The following MAOA variants were observed in gnomAD, a reference collection of about 807,000 sequenced individuals.
The protein encoded by MAOA is amine oxidase [flavin-containing] A.
In MAOA, 6 loss-of-function variants were observed where a neutral mutation model predicts 42.0. The ratio of observed to expected loss-of-function variants is 0.14; its 90% CI spans 0.08 to 0.28. MAOA has a LOEUF of 0.28. Ranked by LOEUF, MAOA falls within the 10% of genes least tolerant of loss-of-function variation. The pLI is 1.00. For missense variants in MAOA, 262 were observed against 422.3 expected, an observed-to-expected ratio of 0.62 and a Z score of 3.33; for synonymous variants, 140 against 154.0, an observed-to-expected ratio of 0.91 and a Z score of 0.67.
intron 1 of MAOA, among the ~76,000 whole-genome samples, chrX:43,659,210 A>G (rs137969280): frequency 0.013 from 1,495 of 111,939 alleles, 21 homozygotes; most frequent in African/African-American, 0.046. Flanking sequence ...TTGTCATTAT[A>G]AAACATAAAA....
At chrX:43,665,856 A>G (rs966941521) in intron 1 of MAOA, among the ~76,000 whole-genome samples, 5 of 111,394 alleles carry the variant, frequency 4.5e-5, no homozygotes, top group African/African-American at 1.3e-4. Flanking sequence ...ATAGATAGAT[A>G]GGAATGGTTT....
chrX:43,662,181 CTTAG>C (rs1386131110), intron 1 of MAOA, among the ~76,000 whole-genome samples: 1 of 111,338 alleles, frequency 9.0e-6, no homozygotes, highest in African/African-American at 3.3e-5. Flanking sequence ...TTTTTGGTGT[CTTAG>C]TTATTTAAAT....
chrX:43,656,259 C>G, upstream of MAOA: 5 of 907,899 alleles, frequency 5.5e-6, no homozygotes, highest in Non-Finnish European at 7.9e-6. Flanking sequence ...CCGGGCTCCC[C>G]GGGGGAGTTG....
rs1337861656 is a variant in MAOA, at chrX:43,692,027, ACACACACACACG to A, written c.169-1260_169-1249del. Among the ~76,000 whole-genome samples the A allele has an allele frequency of 6.3e-4, 42 of 66,880 alleles. 1 individual carries two copies. The highest frequency in any genetic ancestry group is 2.2e-3 in the African/African-American group (38 of 16,900). The allele number at this position is 66,880 out of a possible 115,157, so 58.1% of individuals were successfully genotyped here. ...CACACACACACACACACACACACAC[ACACACACACACG>A]CACGCACACATCTTTAAAGCATTAA... On this transcript the variant is annotated intron_variant, in intron 2 of 14. Transcript: ENST00000338702.
intron 10 of MAOA, among the ~76,000 whole-genome samples, chrX:43,739,185 A>G (rs1569202090): frequency 8.9e-6 from 1 of 112,297 alleles, no homozygotes; most frequent in Non-Finnish European, 1.9e-5. Context: ...AGACAGACAG[A>G]CAGTAGTCTT....
chrX:43,669,279 G>A lies in MAOA; in HGVS notation c.73+12865G>A, dbSNP rs993321843. Among the ~76,000 whole-genome samples, 7 of 107,344 alleles carry A rather than the reference G, an allele frequency of 6.5e-5. No homozygotes were observed. In the East Asian group the frequency reaches 1.5e-3, roughly 23 times the overall value. 93.2% of individuals were successfully genotyped at this position (107,344 alleles called of 115,157 possible). ...CAAAAAAAAAAAAAAATACCCTGGC[G>A]TGGTGGTGTGCACCTGTAATCCCAG... On this transcript the variant is annotated intron_variant, in intron 1 of 14. Coordinates refer to ENST00000338702, the MANE Select transcript of MAOA (RefSeq NM_000240.4).
chrX:43,712,825 CT>C (rs2033709899), intron 5 of MAOA, 29 bp downstream of exon 5: 4 of 1,016,292 alleles, frequency 3.9e-6, no homozygotes, highest in Non-Finnish European at 4.2e-6. Context: ...TCAAAATTTA[CT>C]TTTTATCTTC....
At chrX:43,660,851 A>G (rs868390038) in intron 1 of MAOA, among the ~76,000 whole-genome samples, 1 of 112,059 alleles carries the variant, frequency 8.9e-6, no homozygotes, top group Non-Finnish European at 1.9e-5. Context: ...CTAGCGGTGG[A>G]AGATTTTTAA....
chrX:43,729,085 G>T (rs935006362), intron 6 of MAOA, among the ~76,000 whole-genome samples: 1 of 112,385 alleles, frequency 8.9e-6, no homozygotes, highest in African/African-American at 3.2e-5. Flanking sequence ...TGAGTGCACA[G>T]TACAAGGTAT....
At chrX:43,667,356 G>A (rs1265464079) in intron 1 of MAOA, among the ~76,000 whole-genome samples, 2 of 111,002 alleles carry the variant, frequency 1.8e-5, no homozygotes, top group Non-Finnish European at 3.8e-5. Flanking sequence ...GCTTCATGAG[G>A]ACTTAGTTAT....
intron 11 of MAOA, among the ~76,000 whole-genome samples, chrX:43,741,582 T>C (rs569051144): frequency 2.9e-4 from 32 of 111,691 alleles, no homozygotes; most frequent in Middle Eastern, 9.3e-3. Flanking sequence ...AAGTCTGTTA[T>C]TAGGGACTCC....
At chrX:43,700,179 G>A (rs2033611578) in intron 3 of MAOA, among the ~76,000 whole-genome samples, 1 of 111,700 alleles carries the variant, frequency 9.0e-6, no homozygotes, top group African/African-American at 3.3e-5. Flanking sequence ...CCTCACTTGA[G>A]CTTCCCAATG....
chrX:43,701,966 C>G (rs2033628098), intron 3 of MAOA, among the ~76,000 whole-genome samples: 1 of 112,037 alleles, frequency 8.9e-6, no homozygotes, highest in African/African-American at 3.2e-5. Context: ...GTGGCATGCA[C>G]ATTACTCCAA....
Position 43,744,190 on chromosome X carries a change from G to A in MAOA, c.1437+19G>A, listed in dbSNP as rs753824453. On this transcript the variant is annotated intron_variant, in intron 14 of 14. Transcript: ENST00000338702. ...ATCAAAGGTAAGTTTGGTGACTCTG[G>A]GCACTATCTCTCCTTAGACCAATCA... is the stretch of plus-strand genomic sequence containing the variant. 2.5e-6 allele frequency: 3 copies of A among 1,185,461 alleles called. No individual in the cohort carries two copies. Among genetic ancestry groups the A allele is most frequent in the Non-Finnish European group, 3.4e-6 (3 of 872,048 alleles).
intron 3 of MAOA, among the ~76,000 whole-genome samples, chrX:43,697,799 A>G (rs2033592498): frequency 8.9e-6 from 1 of 111,967 alleles, no homozygotes; most frequent in African/African-American, 3.2e-5. Context: ...AGAAGTACTC[A>G]TTGTAGTAGA....
At chrX:43,658,845 G>A (rs1430866021) in intron 1 of MAOA, among the ~76,000 whole-genome samples, 2 of 111,889 alleles carry the variant, frequency 1.8e-5, no homozygotes, top group African/African-American at 6.5e-5. Flanking sequence ...CATAAACTGA[G>A]TGTTTCATGA....
chrX:43,705,983 G>A (rs781021511), intron 3 of MAOA, among the ~76,000 whole-genome samples: 4 of 112,337 alleles, frequency 3.6e-5, no homozygotes, highest in Admixed American at 9.5e-5. Context: ...AGGATGGGGC[G>A]ACATTGGAAA....
At chrX:43,715,941 A>G (rs1439015090) in intron 5 of MAOA, among the ~76,000 whole-genome samples, 3 of 110,390 alleles carry the variant, frequency 2.7e-5, no homozygotes, top group Non-Finnish European at 5.7e-5. Flanking sequence ...GCAGGATGGT[A>G]TCTTCCAGGA....
intron 3 of MAOA, among the ~76,000 whole-genome samples, chrX:43,701,499 A>G (rs183749490): frequency 8.5e-4 from 95 of 111,897 alleles, no homozygotes; most frequent in Non-Finnish European, 1.6e-3. Context: ...GTACATCCAC[A>G]TTGTTGTGCC....
Sources: gnomAD v4.1 joint callset for allele counts (sites outside exome capture counted in the v4.1 genomes callset) on GRCh38, gnomAD v4.1.1 for gene constraint, MANE v1.5 for transcripts, NCBI Gene and HGNC (gene_info 2026-07-23, HGNC 2026-07-21) for gene names.